Variants in SEPTIN10 observed in about 807,000 individuals in gnomAD.
SEPTIN10 encodes the protein septin-10.
SEPTIN10 carries 66 observed loss-of-function variants against 54.8 expected under a neutral mutation model. The ratio of observed to expected loss-of-function variants is 1.21; its 90% CI spans 0.99 to 1.48. SEPTIN10 has a LOEUF of 1.48. Ranked by LOEUF, SEPTIN10 falls within the 40% of genes most tolerant of loss-of-function variation. SEPTIN10 has a pLI of 0.00. For missense variants in SEPTIN10, 620 were observed against 545.6 expected (o/e 1.14, Z -1.36); for synonymous variants, 161 against 181.0 (o/e 0.89, Z 0.89).
chr2:109,568,821 C>G (rs1687680353), intron 5 of SEPTIN10, among the ~76,000 whole-genome samples: 1 of 152,156 alleles, frequency 6.6e-6, no homozygotes, highest in African/African-American at 2.4e-5. Context: ...CCCACTGTCA[C>G]AGACTTACTT....
intron 1 of SEPTIN10, among the ~76,000 whole-genome samples, chr2:109,607,228 G>A (rs1698197948): frequency 6.6e-6 from 1 of 152,156 alleles, no homozygotes. Context: ...GCTGCTTGGA[G>A]TAAGACTACA....
intron 1 of SEPTIN10, among the ~76,000 whole-genome samples, chr2:109,609,697 T>C (rs574283223): frequency 1.4e-4 from 21 of 151,674 alleles, no homozygotes; most frequent in Non-Finnish European, 2.6e-4. Context: ...AGAAGCCTCT[T>C]AGATACGAAA....
intron 8 of SEPTIN10, among the ~76,000 whole-genome samples, chr2:109,561,699 T>C (rs1393079564): frequency 6.6e-6 from 1 of 152,122 alleles, no homozygotes; most frequent in Non-Finnish European, 1.5e-5. Flanking sequence ...CCCTAAACTC[T>C]CTGATTCCCA....
At chr2:109,582,183 A>C (rs998373909) in intron 4 of SEPTIN10, among the ~76,000 whole-genome samples, 3 of 152,162 alleles carry the variant, frequency 2.0e-5, no homozygotes, top group African/African-American at 7.2e-5. Flanking sequence ...AGAGAACTAC[A>C]AAACACTGCT....
chr2:109,613,380 C>T (rs1558931450), intron 1 of SEPTIN10: 2 of 326,732 alleles, frequency 6.1e-6, no homozygotes, highest in Non-Finnish European at 1.2e-5. Flanking sequence ...CCAGGGGAGC[C>T]GGGCTTTCTC....
chr2:109,587,730 G>A (rs180858296), intron 2 of SEPTIN10, among the ~76,000 whole-genome samples: 2 of 152,156 alleles, frequency 1.3e-5, no homozygotes, highest in East Asian at 1.9e-4. Context: ...TGGCTAACAC[G>A]GTGAAACCCT....
Position 109,546,067 on chromosome 2 carries a change from C to G in SEPTIN10, c.1332G>C (p.Lys444Asn). 1 of 1,594,204 alleles carries G rather than the reference C, an allele frequency of 6.3e-7. No homozygotes were observed. Among genetic ancestry groups the G allele is most frequent in the South Asian group, 1.1e-5 (1 of 88,214 alleles). ...SFLATGSNLR[K>N]DKDRKNSNFL ...CCTCTTACTTCTTACGGTCCTTGTC[C>G]TTCCTCAGGTTGCTGCCTGTTGCCA... is the stretch of plus-strand genomic sequence containing the variant. The change falls in exon 10 of 11, where the codon AAG becomes AAC. Residue 444 changes from lysine (K) to asparagine (N), a missense_variant. Coordinates refer to ENST00000397712, the MANE Select transcript of SEPTIN10 (RefSeq NM_144710.5).
At chr2:109,588,044 G>A (rs540791144) in intron 2 of SEPTIN10, among the ~76,000 whole-genome samples, 1 of 152,046 alleles carries the variant, frequency 6.6e-6, no homozygotes. Context: ...GTGAGCTACA[G>A]ATGTTGCTTA....
intron 8 of SEPTIN10, among the ~76,000 whole-genome samples, chr2:109,553,784 G>A (rs1372838062): frequency 1.1e-4 from 17 of 151,760 alleles, no homozygotes; most frequent in Non-Finnish European, 2.2e-4. Context: ...AGCCTAGGAG[G>A]TGAAGGTTGC....
At chr2:109,548,668 C>T (rs974320137) in intron 9 of SEPTIN10, among the ~76,000 whole-genome samples, 5 of 145,112 alleles carry the variant, frequency 3.4e-5, no homozygotes, top group South Asian at 2.3e-4. Flanking sequence ...CCCAGCTACT[C>T]GGGAGGCTGA....
At chr2:109,572,746 A>G (rs1688716025) in intron 5 of SEPTIN10, among the ~76,000 whole-genome samples, 1 of 149,560 alleles carries the variant, frequency 6.7e-6, no homozygotes, top group South Asian at 2.1e-4. Flanking sequence ...CCTCCTGAGT[A>G]GCTGGGGCTA....
rs182259284 is a variant in SEPTIN10, at chr2:109,550,372, G to A, written c.1161+2715C>T. ...CTGTTGCCCAGGCTGGAGTGCAGTG[G>A]CATAATCTTGGCTCACTGCAACCTC... On this transcript the variant is annotated intron_variant, in intron 9 of 10. Transcript: ENST00000397712. Among the ~76,000 whole-genome samples, 589 of 151,574 alleles carry A rather than the reference G, an allele frequency of 3.9e-3. 3 individuals carry two copies. Among genetic ancestry groups the A allele is most frequent in the Non-Finnish European group, 5.3e-3 (359 of 67,816 alleles).
intron 1 of SEPTIN10, among the ~76,000 whole-genome samples, chr2:109,601,955 G>A (rs533742008): frequency 1.3e-5 from 2 of 152,228 alleles, no homozygotes; most frequent in Admixed American, 6.5e-5. Flanking sequence ...ATGGAAATGC[G>A]CTTCCCGAGG....
intron 7 of SEPTIN10, 136 bp from the exon 8 acceptor site, chr2:109,564,670 C>T (rs1255219476): frequency 8.4e-6 from 6 of 715,802 alleles, no homozygotes; most frequent in South Asian, 4.4e-5. Flanking sequence ...TTAACAGCTA[C>T]GATTATTTTA....
Position 109,582,283 on chromosome 2 carries a change from C to T in SEPTIN10, c.413+2843G>A, listed in dbSNP as rs765185449. On this transcript the variant is annotated intron_variant, in intron 4 of 10. Coordinates refer to ENST00000397712, the MANE Select transcript of SEPTIN10 (RefSeq NM_144710.5). ...AATCAATATAGTTAAAACGGCCATA[C>T]TACCCAAAGCAATCTACAGACTCAA... 5.3e-5 allele frequency among the ~76,000 whole-genome samples: 8 copies of T among 152,210 alleles called. 1 individual carries two copies. Among genetic ancestry groups the T allele is most frequent in the South Asian group, 4.2e-4 (2 of 4,804 alleles).
rs570553101 is a variant in SEPTIN10, at chr2:109,580,851, G to A, written c.413+4275C>T. 4.6e-5 allele frequency among the ~76,000 whole-genome samples: 7 copies of A among 152,314 alleles called. No homozygotes were observed. In the East Asian group the frequency reaches 9.6e-4, roughly 21 times the overall value. On this transcript the variant is annotated intron_variant, in intron 4 of 10. Transcript: ENST00000397712. ...CTTCCTGACTGGGGACAAGTGTCCC[G>A]GGCAGAGCGCAAAGACAGCACAGCG...
intron 9 of SEPTIN10, chr2:109,552,859 T>C (rs1203862455): frequency 2.2e-6 from 1 of 458,002 alleles, no homozygotes; most frequent in Non-Finnish European, 3.8e-6. Context: ...ATTTCAACGA[T>C]TAGTGACTCC....
Position 109,546,141 on chromosome 2 carries a change from A to C in SEPTIN10, c.1258T>G (p.Phe420Val), listed in dbSNP as rs370571392. The change falls in exon 10 of 11, where the codon TTC (phenylalanine) becomes GTC (valine). Residue 420 changes from phenylalanine (F) to valine (V), a missense_variant. Phe to Val is a conservative substitution (Grantham distance 50, BLOSUM62 -1). Transcript: ENST00000397712. ...RRLLEEEIIAFSKKKATSEIF... is the reference protein window; with the variant it reads ...RRLLEEEIIAVSKKKATSEIF... ...TCGGAGGTAGCTTTCTTTTTAGAGA[A>C]AGCAATTATTTCTTCTTCCAAAAGT... is the stretch of plus-strand genomic sequence containing the variant. 3.1e-6 allele frequency: 5 copies of C among 1,610,444 alleles called. No homozygotes were observed. In the African/African-American group the frequency reaches 5.4e-5, roughly 17 times the overall value.
intron 4 of SEPTIN10, among the ~76,000 whole-genome samples, chr2:109,578,577 G>A (rs952223102): frequency 6.6e-6 from 1 of 152,028 alleles, no homozygotes; most frequent in Non-Finnish European, 1.5e-5. Flanking sequence ...GGCCAGTCTG[G>A]CCAACAGGGC....
Sources: allele counts gnomAD v4.1 joint callset (sites outside exome capture counted in the v4.1 genomes callset), GRCh38; gene constraint gnomAD v4.1.1; transcripts MANE v1.5; gene names NCBI Gene and HGNC (gene_info 2026-07-23, HGNC 2026-07-21).